Variants in RNF175 observed in about 807,000 individuals in gnomAD.
The protein encoded by RNF175 is ring finger protein 175.
A neutral mutation model predicts 50.0 loss-of-function variants in RNF175; 38 were observed. The observed-to-expected ratio is 0.76, with a 90% CI of 0.59 to 1.00. The LOEUF is 1.00. Among genes scored for constraint, RNF175 ranks in the 50% least tolerant of loss-of-function variants. The probability of loss-of-function intolerance (pLI) is 0.00; values close to 1 mark genes in which losing one functional copy is unlikely to be tolerated. For synonymous variants in RNF175, 155 were observed against 146.1 expected (o/e 1.06, Z -0.44); for missense variants, 388 against 409.6 (o/e 0.95, Z 0.46).
rs1738245524 is a variant in RNF175 at position 153,720,209 on chromosome 4, G to C, written c.605C>G (p.Ser202Ter). 1 of 1,613,666 alleles carries C rather than the reference G, an allele frequency of 6.2e-7. No homozygotes were observed. The highest frequency in any genetic ancestry group is 1.7e-5 in the Admixed American group (1 of 60,002). ...VMGRDFAEIC[S>*]DYMASTIGFY... ...CCCTATAGTGGAAGCCATGTAGTCT[G>C]AGCAGATCTCGGCAAAGTCTCTCCC... The change falls in exon 6 of 9, where the codon TCA becomes TGA. Residue 202 changes from serine (S) to a stop codon, truncating the protein, a stop_gained. Coordinates refer to ENST00000347063, the MANE Select transcript of RNF175 (RefSeq NM_173662.4). LOFTEE classifies it high-confidence loss of function.
chr4:153,724,661 T>TA (rs1327119953), intron 4 of RNF175, among the ~76,000 whole-genome samples: 42 of 152,232 alleles, frequency 2.8e-4, no homozygotes, highest in African/African-American at 1.0e-3. Context: ...ATGATATTAC[T>TA]AGCATAAGGT....
intron 6 of RNF175, 24 bp from the exon 7 acceptor site, chr4:153,715,686 A>T (rs1409600661): frequency 6.2e-7 from 1 of 1,607,980 alleles, no homozygotes; most frequent in Non-Finnish European, 8.5e-7. Flanking sequence ...TGGACAGAGC[A>T]CAGTCAGAAA....
At chr4:153,748,429 TC>T in intron 3 of RNF175, 1 of 437,186 alleles carries the variant, frequency 2.3e-6, no homozygotes, top group African/African-American at 2.0e-5. Context: ...GCAACTCCCC[TC>T]CCCCTTTTCA....
chr4:153,752,084 C>G (rs1031675064), intron 1 of RNF175, among the ~76,000 whole-genome samples: 10 of 152,208 alleles, frequency 6.6e-5, no homozygotes, highest in Non-Finnish European at 1.5e-4. Context: ...CAGAACCATG[C>G]TTTTTGGATG....
chr4:153,741,721 C>G (rs1286975866), intron 3 of RNF175, among the ~76,000 whole-genome samples: 1 of 152,104 alleles, frequency 6.6e-6, no homozygotes, highest in African/African-American at 2.4e-5. Context: ...GAGCTGAAAC[C>G]AGAAGTCCTT....
chr4:153,718,391 C>A (rs1006671016), intron 6 of RNF175, among the ~76,000 whole-genome samples: 3 of 151,902 alleles, frequency 2.0e-5, no homozygotes, highest in Non-Finnish European at 4.4e-5. Flanking sequence ...TGGACACACA[C>A]ACACACACCC....
chr4:153,759,847 C>T lies in RNF175; in HGVS notation c.16G>A (p.Ala6Thr). The part of the protein sequence containing the change: MAAGT[A>T]ARKAAPVLEA... The stretch of plus-strand genomic sequence containing the variant: ...AGCACCGGCGCTGCCTTCCGCGCCG[C>T]CGTCCCCGCGGCCATGCCTGAGCCA... The change falls in exon 1 of 9, where the codon GCG becomes ACG. Residue 6 changes from alanine (A) to threonine (T), a missense_variant. Coordinates refer to ENST00000347063, the MANE Select transcript of RNF175 (RefSeq NM_173662.4). 2.1e-6 allele frequency: 3 copies of T among 1,460,394 alleles called. No homozygotes were observed. The highest frequency in any genetic ancestry group is 1.8e-6 in the Non-Finnish European group (2 of 1,113,748). 90.5% of individuals were successfully genotyped at this position (1,460,394 alleles called of 1,614,324 possible).
Position 153,722,234 on chromosome 4 carries a change from G to A in RNF175, c.509+1117C>T, listed in dbSNP as rs181543001. ...GTTACTCAGCCTCAGTCGTGTCCCTGAGAATGCCATCCACAGCATGTCTCA... is the reference window on the plus strand; with the variant it reads ...GTTACTCAGCCTCAGTCGTGTCCCTAAGAATGCCATCCACAGCATGTCTCA... On this transcript the variant is annotated intron_variant, in intron 5 of 8. Coordinates refer to ENST00000347063, the MANE Select transcript of RNF175 (RefSeq NM_173662.4). 1.6e-3 allele frequency among the ~76,000 whole-genome samples: 237 copies of A among 152,306 alleles called. 1 individual carries two copies. Among genetic ancestry groups the A allele is most frequent in the African/African-American group, 5.4e-3 (226 of 41,566 alleles).
At chr4:153,755,569 G>T (rs901268626) in intron 1 of RNF175, among the ~76,000 whole-genome samples, 1 of 106,278 alleles carries the variant, frequency 9.4e-6, no homozygotes, top group African/African-American at 4.2e-5. Flanking sequence ...AACTCAGAAA[G>T]AATTTAAAAA....
chr4:153,740,238 C>T (rs982171106), intron 3 of RNF175, among the ~76,000 whole-genome samples: 4 of 152,060 alleles, frequency 2.6e-5, no homozygotes, highest in African/African-American at 9.6e-5. Flanking sequence ...TTACATTACC[C>T]ATCTATACTT....
At position 153,728,247 on chromosome 4, in the gene RNF175, A is replaced by AC; in HGVS notation, c.360_361insG (p.Phe121ValfsTer54). The AC allele has an allele frequency of 6.2e-7, 1 of 1,613,634 alleles. No homozygotes were observed. The highest frequency in any genetic ancestry group is 8.5e-7 in the Non-Finnish European group (1 of 1,179,626). ...GAGAGGGGTTTTCGGGTAGCTCTGA[A>AC]GAGGATGTAACTGGTAATAACGGAG... On this transcript the variant is annotated frameshift_variant, in exon 4 of 9. Coordinates refer to ENST00000347063, the MANE Select transcript of RNF175 (RefSeq NM_173662.4). LOFTEE classifies it high-confidence loss of function.
At chr4:153,736,928 T>C (rs899064215) in intron 3 of RNF175, among the ~76,000 whole-genome samples, 2 of 152,162 alleles carry the variant, frequency 1.3e-5, no homozygotes, top group African/African-American at 4.8e-5. Context: ...GGCACAACCA[T>C]AGCTCACTGT....
intron 5 of RNF175, chr4:153,721,402 C>T (rs149237334): frequency 6.6e-6 from 1 of 152,264 alleles, no homozygotes; most frequent in Non-Finnish European, 1.5e-5. Flanking sequence ...ATGGTGAAGG[C>T]AGACAGCTTT....
In RNF175 at chr4:153,730,588, A is replaced by G. The variant is rs139671223; in HGVS notation, c.247-2227T>C. The stretch of plus-strand genomic sequence containing the variant: ...GTAGTAAAGAAGGAAATGGACATGA[A>G]CTTCATCTTTCAAAGTCTGATCATC... On this transcript the variant is annotated intron_variant, in intron 3 of 8. Transcript: ENST00000347063. Among the ~76,000 whole-genome samples the G allele has an allele frequency of 2.2e-3, 329 of 152,280 alleles. 1 individual carries two copies. Among genetic ancestry groups the G allele is most frequent in the African/African-American group, 7.5e-3 (310 of 41,558 alleles).
At chr4:153,751,405 C>T in intron 2 of RNF175, 33 bp downstream of exon 2, 3 of 1,435,462 alleles carry the variant, frequency 2.1e-6, no homozygotes, top group Non-Finnish European at 2.8e-6. Flanking sequence ...TAATTTTTAG[C>T]AAAACAACTC....
At chr4:153,748,351 G>T in intron 3 of RNF175, 1 of 267,954 alleles carries the variant, frequency 3.7e-6, no homozygotes, top group Non-Finnish European at 7.0e-6. Flanking sequence ...AATTTTTGTT[G>T]TGGGGAGCTG....
chr4:153,751,521 C>T (rs1256111769), intron 1 of RNF175, 46 bp from the exon 2 acceptor site: 25 of 1,443,278 alleles, frequency 1.7e-5, no homozygotes, highest in Non-Finnish European at 2.4e-5. Flanking sequence ...TCCTTATTTT[C>T]TTGGTTTTTC....
At chr4:153,724,613 C>G (rs576568793) in intron 4 of RNF175, among the ~76,000 whole-genome samples, 3 of 152,288 alleles carry the variant, frequency 2.0e-5, no homozygotes, top group African/African-American at 7.2e-5. Context: ...CCCCAGCTCA[C>G]TCCCTGTTGG....
At chr4:153,739,804 T>G (rs777257873) in intron 3 of RNF175, among the ~76,000 whole-genome samples, 3 of 152,172 alleles carry the variant, frequency 2.0e-5, no homozygotes, top group Non-Finnish European at 4.4e-5. Context: ...TAGTGTGAAT[T>G]TGACATACCC....
Sources: allele counts gnomAD v4.1 joint callset (sites outside exome capture counted in the v4.1 genomes callset), GRCh38; gene constraint gnomAD v4.1.1; transcripts MANE v1.5; gene names NCBI Gene and HGNC (gene_info 2026-07-23, HGNC 2026-07-21).